Variants in PRKN observed in about 807,000 individuals in gnomAD.
PRKN encodes parkin RBR E3 ubiquitin protein ligase, also known as E3 ubiquitin-protein ligase parkin.
A neutral mutation model predicts 59.5 loss-of-function variants in PRKN; 56 were observed. That is an observed-to-expected ratio of 0.94 (90% CI 0.76 to 1.18). The LOEUF is 1.18. PRKN is among the 50% of genes most tolerant of loss of function. PRKN has a pLI of 0.00. For synonymous variants in PRKN, 250 were observed against 222.1 expected (o/e 1.13, Z -1.12); for missense variants, 657 against 596.4 (o/e 1.10, Z -1.06).
chr6:162,053,869 C>A (rs1324262544), intron 5 of PRKN, among the ~76,000 whole-genome samples: 1 of 152,218 alleles, frequency 6.6e-6, no homozygotes, highest in East Asian at 1.9e-4. Flanking sequence ...CCACACGGTC[C>A]CCCCAAATGA....
At chr6:162,581,092 T>C (rs1208656647) in intron 1 of PRKN, among the ~76,000 whole-genome samples, 1 of 152,090 alleles carries the variant, frequency 6.6e-6, no homozygotes, top group Non-Finnish European at 1.5e-5. Flanking sequence ...ACCACTAAGT[T>C]AAGATGCTGT....
chr6:162,159,883 A>G (rs1158701700), intron 4 of PRKN, among the ~76,000 whole-genome samples: 1 of 152,198 alleles, frequency 6.6e-6, no homozygotes, highest in East Asian at 1.9e-4. Flanking sequence ...CTCTGGATCA[A>G]TTAAATTGAT....
chr6:162,331,074 AT>A (rs1783549688), intron 2 of PRKN, among the ~76,000 whole-genome samples: 1 of 152,114 alleles, frequency 6.6e-6, no homozygotes, highest in Admixed American at 6.5e-5. Flanking sequence ...CACACCTGTA[AT>A]CCCAGCACTT....
rs189831878 is a variant in PRKN at position 162,111,706 on chromosome 6, A to T, written c.535-57532T>A. Among the ~76,000 whole-genome samples the T allele has an allele frequency of 1.7e-4, 17 of 100,856 alleles. No individual in the cohort carries two copies. The East Asian group carries it at 3.7e-3, about 22-fold the overall frequency. 66.2% of individuals were successfully genotyped at this position (100,856 alleles called of 152,430 possible). A position where few individuals can be genotyped will look rare whatever the true frequency, so the allele number is the denominator to read the frequency against. ...TCAAGTTTTCTACAGTCTCACAATT[A>T]AAAAAAAAAAGGTGGAGAAAAATTT... is the stretch of plus-strand genomic sequence containing the variant. On this transcript the variant is annotated intron_variant, in intron 4 of 11. Transcript: ENST00000366898.
chr6:162,401,309 A>T (rs1040354023), intron 2 of PRKN, among the ~76,000 whole-genome samples: 1 of 152,022 alleles, frequency 6.6e-6, no homozygotes, highest in Non-Finnish European at 1.5e-5. Context: ...GAAAAAAAAA[A>T]ACCTATGCAG....
chr6:161,565,430 G>T (rs1466459241), intron 8 of PRKN, among the ~76,000 whole-genome samples: 1 of 151,998 alleles, frequency 6.6e-6, no homozygotes, highest in Non-Finnish European at 1.5e-5. Flanking sequence ...TCCCCATAAT[G>T]CCCACACGTC....
intron 3 of PRKN, among the ~76,000 whole-genome samples, chr6:162,236,074 T>C (rs1174496497): frequency 6.6e-6 from 1 of 152,076 alleles, no homozygotes; most frequent in Admixed American, 6.6e-5. Flanking sequence ...AGGTCCCCCT[T>C]TCCCCATATG....
chr6:162,021,119 CAT>C (rs869269519), intron 5 of PRKN, among the ~76,000 whole-genome samples: 649 of 46,306 alleles, frequency 0.014, 7 homozygotes, highest in Non-Finnish European at 0.024. Context: ...AAAACAAAAA[CAT>C]ATATATATAT....
At chr6:162,492,319 T>C (rs1252479290) in intron 1 of PRKN, among the ~76,000 whole-genome samples, 1 of 152,072 alleles carries the variant, frequency 6.6e-6, no homozygotes, top group Non-Finnish European at 1.5e-5. Context: ...AGCAGAAGAG[T>C]TTGGGTTGCA....
chr6:162,129,873 G>A lies in PRKN; in HGVS notation c.534+71258C>T, dbSNP rs73783419. On this transcript the variant is annotated intron_variant, in intron 4 of 11. Coordinates refer to ENST00000366898, the MANE Select transcript of PRKN (RefSeq NM_004562.3). ...TGAGAAACAAATTTTCCCCTGTAGA[G>A]TGTTTACACTGAGGAAAAAACAGCT... Among the ~76,000 whole-genome samples the A allele has an allele frequency of 2.6e-3, 388 of 152,122 alleles. 2 individuals are homozygous for A. The highest frequency in any genetic ancestry group is 9.0e-3 in the African/African-American group (372 of 41,510).
intron 2 of PRKN, among the ~76,000 whole-genome samples, chr6:162,295,832 T>C (rs879823470): frequency 2.0e-5 from 3 of 152,162 alleles, no homozygotes; most frequent in Admixed American, 1.3e-4. Context: ...TGTCAGAATC[T>C]GAAATTCAGG....
intron 9 of PRKN, among the ~76,000 whole-genome samples, chr6:161,420,054 C>A (rs537349780): frequency 4.7e-4 from 71 of 151,860 alleles, no homozygotes; most frequent in African/African-American, 1.5e-3. Flanking sequence ...CTGGCTAACA[C>A]GGTGAAACCC....
At chr6:162,221,522 G>A (rs1373064099) in intron 3 of PRKN, among the ~76,000 whole-genome samples, 1 of 152,114 alleles carries the variant, frequency 6.6e-6, no homozygotes, top group African/African-American at 2.4e-5. Context: ...ATTTGGAGCA[G>A]CAGAGAACTC....
intron 2 of PRKN, among the ~76,000 whole-genome samples, chr6:162,372,964 G>C (rs1201490337): frequency 6.6e-6 from 1 of 152,136 alleles, no homozygotes; most frequent in East Asian, 1.9e-4. Context: ...TACCGGAGGA[G>C]TAGGCAATTT....
At chr6:162,410,495 G>A (rs1008571429) in intron 2 of PRKN, among the ~76,000 whole-genome samples, 1 of 152,082 alleles carries the variant, frequency 6.6e-6, no homozygotes, top group Non-Finnish European at 1.5e-5. Context: ...TTCCAATTTC[G>A]CTCGACTGAA....
chr6:161,466,154 A>G lies in PRKN; in HGVS notation c.1084-79277T>C, dbSNP rs1165800403. 6.6e-6 allele frequency among the ~76,000 whole-genome samples: 1 copy of G among 152,112 alleles called. No individual in the cohort carries two copies. Among genetic ancestry groups the G allele is most frequent in the Admixed American group, 6.5e-5 (1 of 15,268 alleles). On this transcript the variant is annotated intron_variant, in intron 9 of 11. Coordinates refer to ENST00000366898, the MANE Select transcript of PRKN (RefSeq NM_004562.3). This position sits in a 1 kb window ranked among gnomAD's most constrained non-coding sequence, Gnocchi z 5.0. ...TACACAATACAACATTATTAACTCT[A>G]GTCACCATGCTGTACATTAGATCCC...
intron 7 of PRKN, among the ~76,000 whole-genome samples, chr6:161,744,377 C>T (rs3019448): frequency 0.15 from 22,370 of 151,930 alleles, 2,101 homozygotes; most frequent in Middle Eastern, 0.25. Context: ...GGCCATGTTG[C>T]ACATGGCACA....
At position 161,719,378 on chromosome 6, in the gene PRKN, T is replaced by C. The variant is rs893609092; in HGVS notation, c.871+66394A>G. On this transcript the variant is annotated intron_variant, in intron 7 of 11. Coordinates refer to ENST00000366898, the MANE Select transcript of PRKN (RefSeq NM_004562.3). ...GCATCTAGTGTAGGGTGGGCAAATG[T>C]TTTCTGTGAAGGACCAGCTAACCAA... Among the ~76,000 whole-genome samples, 9 of 152,030 alleles carry C rather than the reference T, an allele frequency of 5.9e-5. No homozygotes were observed. The East Asian group carries it at 1.2e-3, about 20-fold the overall frequency.
chr6:161,375,235 C>T (rs1242453120), intron 10 of PRKN, among the ~76,000 whole-genome samples: 1 of 152,190 alleles, frequency 6.6e-6, no homozygotes, highest in African/African-American at 2.4e-5. Flanking sequence ...AAGCTGCACC[C>T]CAGGGAAGTG....
Sources: gnomAD v4.1 joint callset for allele counts (sites outside exome capture counted in the v4.1 genomes callset) on GRCh38, gnomAD v4.1.1 for gene constraint, Gnocchi (gnomAD v3.1) non-coding constraint, MANE v1.5 for transcripts, NCBI Gene and HGNC (gene_info 2026-07-23, HGNC 2026-07-21) for gene names.